The following RGS7 variants were observed in gnomAD, a reference collection of about 807,000 sequenced individuals.
The protein encoded by RGS7 is regulator of G-protein signaling 7.
RGS7 carries 27 observed loss-of-function variants against 81.1 expected under a neutral mutation model. That is an observed-to-expected ratio of 0.33 (90% CI 0.25 to 0.46). RGS7 has a LOEUF of 0.46. Ranked by LOEUF, RGS7 falls within the 20% of genes least tolerant of loss-of-function variation. The probability of loss-of-function intolerance (pLI) is 1.00; values close to 1 mark genes in which losing one functional copy is unlikely to be tolerated. For synonymous variants in RGS7, 208 were observed against 207.7 expected (o/e 1.00, Z -0.01); for missense variants, 396 against 607.4 (o/e 0.65, Z 3.66).
At chr1:241,226,250 G>A (rs990435506) in intron 2 of RGS7, among the ~76,000 whole-genome samples, 4 of 152,146 alleles carry the variant, frequency 2.6e-5, no homozygotes, top group Non-Finnish European at 4.4e-5. Context: ...AAATGTCCGC[G>A]GGAATATTAA....
chr1:241,251,655 G>C (rs2815880), intron 2 of RGS7, among the ~76,000 whole-genome samples: 24,131 of 151,740 alleles, frequency 0.16, 2,106 homozygotes, highest in African/African-American at 0.22. Context: ...GATTACAAGC[G>C]CTTGCCACCA....
Position 241,010,532 on chromosome 1 carries a change from G to A in RGS7, c.176-27403C>T, listed in dbSNP as rs532693724. Among the ~76,000 whole-genome samples, 15 of 152,290 alleles carry A rather than the reference G, an allele frequency of 9.8e-5. No individual in the cohort carries two copies. In the South Asian group the frequency reaches 2.5e-3, roughly 25 times the overall value. On this transcript the variant is annotated intron_variant, in intron 3 of 18. Transcript: ENST00000440928. ...ACACAGAAAGGAATCATTGCTGATCGTTTGTAACATGCCAAGAATGAAACT... is the reference window on the plus strand; with the variant it reads ...ACACAGAAAGGAATCATTGCTGATCATTTGTAACATGCCAAGAATGAAACT...
intron 6 of RGS7, among the ~76,000 whole-genome samples, chr1:240,916,605 A>T (rs1572747368): frequency 1.3e-5 from 2 of 152,158 alleles, no homozygotes; most frequent in East Asian, 1.9e-4. Flanking sequence ...CATAAGGGTG[A>T]GGTCCCAATC....
intron 3 of RGS7, among the ~76,000 whole-genome samples, chr1:241,042,253 G>A (rs961920722): frequency 2.2e-4 from 33 of 150,940 alleles, no homozygotes; most frequent in African/African-American, 7.5e-4. Context: ...GAAAATTCAG[G>A]TCATATAAAA....
At chr1:241,018,493 TTTG>T (rs1022754369) in intron 3 of RGS7, among the ~76,000 whole-genome samples, 34 of 152,188 alleles carry the variant, frequency 2.2e-4, no homozygotes, top group African/African-American at 7.9e-4. Flanking sequence ...TCCTCTAGTG[TTTG>T]TTTTGTTTTT....
chr1:241,278,057 T>G (rs904383787), intron 2 of RGS7, among the ~76,000 whole-genome samples: 2 of 152,248 alleles, frequency 1.3e-5, no homozygotes, highest in African/African-American at 4.8e-5. Context: ...CCCGCTGTTC[T>G]CAGTGCCGTC....
At chr1:240,870,269 C>T (rs982346812) in intron 6 of RGS7, 150 bp from the exon 7 acceptor site, 11 of 709,070 alleles carry the variant, frequency 1.6e-5, no homozygotes, top group Non-Finnish European at 2.8e-5. Context: ...TATGTAATAA[C>T]ATTATTACTG....
chr1:241,348,295 C>T (rs191025101), intron 2 of RGS7, among the ~76,000 whole-genome samples: 5 of 152,238 alleles, frequency 3.3e-5, no homozygotes, highest in African/African-American at 4.8e-5. Flanking sequence ...ATGAACAGAA[C>T]GACCACCAGA....
chr1:240,870,170 A>C, intron 6 of RGS7, 51 bp from the exon 7 acceptor site: 1 of 1,501,520 alleles, frequency 6.7e-7, no homozygotes, highest in African/African-American at 1.4e-5. Context: ...CCATGGCACT[A>C]TAAGTAAAAG....
At chr1:241,109,332 C>G (rs192445547) in intron 2 of RGS7, among the ~76,000 whole-genome samples, 1 of 152,096 alleles carries the variant, frequency 6.6e-6, no homozygotes. Flanking sequence ...TTCCTACTGA[C>G]GTCCGTCTTT....
intron 3 of RGS7, among the ~76,000 whole-genome samples, chr1:241,080,313 G>A (rs1031540127): frequency 6.6e-6 from 1 of 151,690 alleles, no homozygotes; most frequent in Non-Finnish European, 1.5e-5. Flanking sequence ...ATTAAAGAGT[G>A]TAAAAGGCTA....
At chr1:241,295,628 G>A (rs1488337773) in intron 2 of RGS7, among the ~76,000 whole-genome samples, 1 of 152,150 alleles carries the variant, frequency 6.6e-6, no homozygotes, top group Non-Finnish European at 1.5e-5. Context: ...CAAAGAAAGG[G>A]CCTTGAATGC....
At chr1:240,788,974 C>G (rs941789294) in intron 18 of RGS7, among the ~76,000 whole-genome samples, 2 of 152,114 alleles carry the variant, frequency 1.3e-5, no homozygotes, top group African/African-American at 4.8e-5. Flanking sequence ...CTCCTCTCTA[C>G]TAAAAATACA....
In RGS7 at chr1:241,229,101, G is replaced by A. The variant is rs563501412; in HGVS notation, c.78+126598C>T. 1.8e-4 allele frequency among the ~76,000 whole-genome samples: 27 copies of A among 150,952 alleles called. 1 individual carries two copies. The highest frequency in any genetic ancestry group is 6.1e-4 in the African/African-American group (25 of 41,262). ...AAGGAAAAACCATACCTAACTTGTG[G>A]GGTTTTAAAAAACAAATTTGGAAAA... is the stretch of plus-strand genomic sequence containing the variant. On this transcript the variant is annotated intron_variant, in intron 2 of 18. Transcript: ENST00000440928.
intron 3 of RGS7, among the ~76,000 whole-genome samples, chr1:240,997,775 G>T (rs1687519330): frequency 6.6e-6 from 1 of 152,224 alleles, no homozygotes; most frequent in Admixed American, 6.5e-5. Flanking sequence ...AGTGAGCGGA[G>T]ATCGTGCCAC....
chr1:241,170,649 A>G (rs888034003), intron 2 of RGS7, among the ~76,000 whole-genome samples: 12 of 152,206 alleles, frequency 7.9e-5, no homozygotes, highest in Non-Finnish European at 1.3e-4. Context: ...GCAATGATGC[A>G]ATTACAAATA....
rs144131884 is a variant in RGS7 at position 241,152,354 on chromosome 1, G to T, written c.79-53592C>A. Among the ~76,000 whole-genome samples, 892 of 152,320 alleles carry T rather than the reference G, an allele frequency of 5.9e-3. 5 individuals carry two copies. Among genetic ancestry groups the T allele is most frequent in the African/African-American group, 0.02 (837 of 41,554 alleles). On this transcript the variant is annotated intron_variant, in intron 2 of 18. Coordinates refer to ENST00000440928, the MANE Select transcript of RGS7 (RefSeq NM_001364886.1). The stretch of plus-strand genomic sequence containing the variant: ...ATTTTAAAGTAGGAAAATGCAGATA[G>T]TGTGTCTTTTGCATCACTGTTGAAA...
rs547435871 is a variant in RGS7, at chr1:241,299,153, T to C, written c.78+56546A>G. 5.9e-5 allele frequency among the ~76,000 whole-genome samples: 9 copies of C among 152,244 alleles called. No individual in the cohort carries two copies. In the East Asian group the frequency reaches 1.7e-3, roughly 29 times the overall value. ...AAATATAGAATCAATCACAAAGAAA[T>C]AATACATATTTAAGCAGACACAGGG... On this transcript the variant is annotated intron_variant, in intron 2 of 18. Coordinates refer to ENST00000440928, the MANE Select transcript of RGS7 (RefSeq NM_001364886.1).
At chr1:241,229,372 C>T (rs140827743) in intron 2 of RGS7, among the ~76,000 whole-genome samples, 1 of 152,334 alleles carries the variant, frequency 6.6e-6, no homozygotes, top group African/African-American at 2.4e-5. Flanking sequence ...TAAACCTCTT[C>T]TCTGACCTTT....
Sources: allele counts gnomAD v4.1 joint callset (sites outside exome capture counted in the v4.1 genomes callset), GRCh38; gene constraint gnomAD v4.1.1; transcripts MANE v1.5; gene names NCBI Gene and HGNC (gene_info 2026-07-23, HGNC 2026-07-21).